CAST: variants seen among roughly 807,000 people sequenced by gnomAD.
The protein encoded by CAST is calpastatin, also known as MIR583 host.
Under a neutral mutation model 119.6 loss-of-function variants are expected in CAST, and 76 were observed. The observed-to-expected ratio is 0.64, with a 90% confidence interval of 0.53 to 0.77. CAST has a LOEUF of 0.77. Ranked by LOEUF, CAST falls within the 30% of genes least tolerant of loss-of-function variation. The probability of loss-of-function intolerance (pLI) is 0.00; values close to 1 mark genes in which losing one functional copy is unlikely to be tolerated. For synonymous variants in CAST, 319 were observed against 331.6 expected, an observed-to-expected ratio of 0.96 and a Z score of 0.41; for missense variants, 953 against 946.5, an observed-to-expected ratio of 1.01 and a Z score of -0.09.
chr5:96,224,511 A>T, the CAST span, among the ~76,000 whole-genome samples: 2 of 152,136 alleles, frequency 1.3e-5, no homozygotes, highest in Non-Finnish European at 2.9e-5. Flanking sequence ...TTTGATACAC[A>T]CAGAAGAGGA....
At chr5:96,548,143 C>A (rs10055259) in intron 1 of CAST, among the ~76,000 whole-genome samples, 30,768 of 152,076 alleles carry the variant, frequency 0.2, 3,929 homozygotes, top group Non-Finnish European at 0.29. Flanking sequence ...CTGGGTATTT[C>A]TTTTTCTCCG....
the CAST span, among the ~76,000 whole-genome samples, chr5:96,150,807 G>C: frequency 1.3e-5 from 2 of 152,148 alleles, no homozygotes; most frequent in African/African-American, 4.8e-5. Flanking sequence ...AGCAGCTGTG[G>C]GGGGCAGGGC....
the CAST span, among the ~76,000 whole-genome samples, chr5:96,223,314 G>T: frequency 6.6e-6 from 1 of 152,114 alleles, no homozygotes; most frequent in East Asian, 1.9e-4. Flanking sequence ...TATTCAAGGT[G>T]ATGTATTAAA....
At chr5:96,509,994 GA>G in the CAST span, among the ~76,000 whole-genome samples, 1 of 152,076 alleles carries the variant, frequency 6.6e-6, no homozygotes, top group African/African-American at 2.4e-5. Flanking sequence ...TAACGTTGTG[GA>G]TTTTTTTTTA....
At chr5:96,268,362 A>C in the CAST span, among the ~76,000 whole-genome samples, 1 of 152,156 alleles carries the variant, frequency 6.6e-6, no homozygotes, top group Non-Finnish European at 1.5e-5. Flanking sequence ...TGCCTGAGGC[A>C]AGAAGTTCGG....
At chr5:96,226,665 AT>A in the CAST span, among the ~76,000 whole-genome samples, 1 of 152,172 alleles carries the variant, frequency 6.6e-6, no homozygotes, top group African/African-American at 2.4e-5. Flanking sequence ...TCAAAAAAAG[AT>A]TTAAAAAAAA....
At chr5:96,186,021 T>G in the CAST span, among the ~76,000 whole-genome samples, 1 of 152,194 alleles carries the variant, frequency 6.6e-6, no homozygotes, top group Non-Finnish European at 1.5e-5. Flanking sequence ...CCTGTCTGAT[T>G]TCTTTGTGCA....
At chr5:96,160,693 C>G in the CAST span, among the ~76,000 whole-genome samples, 1 of 152,250 alleles carries the variant, frequency 6.6e-6, no homozygotes, top group Non-Finnish European at 1.5e-5. Flanking sequence ...CAAACTGTTT[C>G]CCTAAGTAGT....
At chr5:96,152,176 A>G in the CAST span, among the ~76,000 whole-genome samples, 2 of 152,212 alleles carry the variant, frequency 1.3e-5, no homozygotes, top group Non-Finnish European at 2.9e-5. Context: ...CAATGACTCC[A>G]TCAGTAGGGG....
intron 1 of CAST, among the ~76,000 whole-genome samples, chr5:96,641,158 T>C (rs1248947429): frequency 1.3e-5 from 2 of 152,258 alleles, no homozygotes; most frequent in East Asian, 3.8e-4. Flanking sequence ...GCAGCCATGC[T>C]ATTAATACTA....
In CAST at chr5:96,617,957, G is replaced by C. The variant is rs537626821; in HGVS notation, c.61-57582G>C. On this transcript the variant is annotated intron_variant, in intron 1 of 11. Transcript: ENST00000505143. ...ACTTCAGCTGGAAGGAATAGCATTTGCCTAGCTGGACAGGAACCAGGGGTC... is the reference window on the plus strand; with the variant it reads ...ACTTCAGCTGGAAGGAATAGCATTTCCCTAGCTGGACAGGAACCAGGGGTC... Among the ~76,000 whole-genome samples, 16 of 152,218 alleles carry C rather than the reference G, an allele frequency of 1.1e-4. No homozygotes were observed. The South Asian group carries it at 3.3e-3, about 32-fold the overall frequency.
At chr5:96,164,707 T>G in the CAST span, among the ~76,000 whole-genome samples, 1 of 152,304 alleles carries the variant, frequency 6.6e-6, no homozygotes, top group South Asian at 2.1e-4. Flanking sequence ...AAGGGAAGCG[T>G]GCAGAGAGAA....
At chr5:96,759,214 A>G (rs1214838721) in intron 24 of CAST, among the ~76,000 whole-genome samples, 2 of 152,200 alleles carry the variant, frequency 1.3e-5, no homozygotes, top group Non-Finnish European at 2.9e-5. Flanking sequence ...TATTTAGTGG[A>G]AAGTTTCAAG....
intron 29 of CAST, 156 bp from the exon 30 acceptor site, chr5:96,770,375 G>T: frequency 1.7e-6 from 1 of 578,618 alleles, no homozygotes; most frequent in Non-Finnish European, 3.1e-6. Context: ...CTCTGACACC[G>T]TTGTTCAAAA....
At chr5:96,312,473 AT>A in the CAST span, among the ~76,000 whole-genome samples, 5 of 152,058 alleles carry the variant, frequency 3.3e-5, no homozygotes, top group Non-Finnish European at 7.4e-5. Context: ...TCCCCTGTCT[AT>A]TTAGGGAACA....
the CAST span, among the ~76,000 whole-genome samples, chr5:96,459,274 C>T: frequency 1.3e-5 from 2 of 152,092 alleles, no homozygotes; most frequent in African/African-American, 2.4e-5. Context: ...TGACAGAAGG[C>T]CTCCTTGTGT....
the CAST span, among the ~76,000 whole-genome samples, chr5:96,275,188 G>A: frequency 6.6e-6 from 1 of 152,192 alleles, no homozygotes; most frequent in African/African-American, 2.4e-5. Flanking sequence ...TTGTTTCGTT[G>A]ACAGTAAGCC....
chr5:95,997,909 A>C, the CAST span, among the ~76,000 whole-genome samples: 3 of 151,782 alleles, frequency 2.0e-5, no homozygotes, highest in African/African-American at 2.4e-5. Flanking sequence ...CACTGCTGTA[A>C]ATGGAAAGAC....
At chr5:96,054,264 A>G in the CAST span, among the ~76,000 whole-genome samples, 1 of 152,080 alleles carries the variant, frequency 6.6e-6, no homozygotes, top group South Asian at 2.1e-4. Flanking sequence ...TATTATAAAG[A>G]CAGGTTTTTC....
Sources: gnomAD v4.1 joint callset for allele counts (sites outside exome capture counted in the v4.1 genomes callset) on GRCh38, gnomAD v4.1.1 for gene constraint, MANE v1.5 for transcripts, NCBI Gene and HGNC (gene_info 2026-07-23, HGNC 2026-07-21) for gene names.